The following CGNL1 variants were observed in gnomAD, a reference collection of about 807,000 sequenced individuals.
CGNL1 encodes cingulin-like protein 1.
In CGNL1, 132 loss-of-function variants were observed where a neutral mutation model predicts 141.2. The ratio of observed to expected loss-of-function variants is 0.93; its 90% CI spans 0.81 to 1.08. CGNL1 has a LOEUF of 1.08. Ranked by LOEUF, CGNL1 falls within the 50% of genes least tolerant of loss-of-function variation. CGNL1 has a pLI of 0.00. For synonymous variants in CGNL1, 690 were observed against 622.1 expected, an observed-to-expected ratio of 1.11 and a Z score of -1.63; for missense variants, 1,870 against 1,588.6, an observed-to-expected ratio of 1.18 and a Z score of -3.01.
At chr15:57,459,509 G>C (rs1022595397) in intron 7 of CGNL1, among the ~76,000 whole-genome samples, 1 of 152,180 alleles carries the variant, frequency 6.6e-6, no homozygotes, top group African/African-American at 2.4e-5. Flanking sequence ...GGTCTTCAAA[G>C]ATTTTCTGAA....
chr15:57,406,245 G>C (rs1706384), intron 1 of CGNL1, among the ~76,000 whole-genome samples: 162 of 152,326 alleles, frequency 1.1e-3, no homozygotes, highest in African/African-American at 3.8e-3. Context: ...GATCAGGGCT[G>C]CCTGGGGGAA....
In CGNL1 at chr15:57,528,682, A is replaced by C. The variant is rs1402901595; in HGVS notation, c.3068A>C (p.Asp1023Ala). Reference protein sequence around the residue: ...EMRLMEEELRDYQRAQDEALT... With the variant: ...EMRLMEEELRAYQRAQDEALT... Reference sequence around the variant, plus strand: ...CGTCTGATGGAGGAAGAGTTACGGGACTACCAGAGAGCTCAGGATGAAGCA... The same window carrying C: ...CGTCTGATGGAGGAAGAGTTACGGGCCTACCAGAGAGCTCAGGATGAAGCA... The change falls in exon 13 of 19, where the codon GAC becomes GCC. Residue 1023 changes from aspartate to alanine, a missense_variant. Asp to Ala is a moderately radical substitution (Grantham distance 126). Coordinates refer to ENST00000281282, the MANE Select transcript of CGNL1 (RefSeq NM_032866.5). The C allele has an allele frequency of 6.2e-7, 1 of 1,614,006 alleles. No homozygotes were observed. The highest frequency in any genetic ancestry group is 1.3e-5 in the African/African-American group (1 of 74,904).
At chr15:57,376,678 G>C (rs1247487600) in intron 1 of CGNL1, 111 bp downstream of exon 1, 1 of 151,968 alleles carries the variant, frequency 6.6e-6, no homozygotes, top group Non-Finnish European at 1.5e-5. Flanking sequence ...GCTCAGCCAG[G>C]TGCACTGTGC....
At chr15:57,476,235 G>C (rs1305722995) in intron 8 of CGNL1, among the ~76,000 whole-genome samples, 1 of 152,074 alleles carries the variant, frequency 6.6e-6, no homozygotes, top group African/African-American at 2.4e-5. Flanking sequence ...TTCCTAAGAG[G>C]GAGTGAGGCT....
intron 1 of CGNL1, among the ~76,000 whole-genome samples, chr15:57,420,453 C>G (rs1273843918): frequency 6.6e-6 from 1 of 152,178 alleles, no homozygotes; most frequent in African/African-American, 2.4e-5. Flanking sequence ...GTCATTCTAA[C>G]CTCCTCCCCT....
chr15:57,407,502 G>A (rs115467171), intron 1 of CGNL1, among the ~76,000 whole-genome samples: 208 of 152,134 alleles, frequency 1.4e-3, no homozygotes, highest in African/African-American at 4.8e-3. Flanking sequence ...GTGACAACCT[G>A]TCTCAACAAA....
chr15:57,441,876 A>T (rs942333065), intron 3 of CGNL1, among the ~76,000 whole-genome samples: 3 of 152,124 alleles, frequency 2.0e-5, no homozygotes, highest in African/African-American at 7.2e-5. Context: ...CCATGCTGAT[A>T]ATCTTGGCTT....
chr15:57,467,273 T>C (rs1379065974), intron 8 of CGNL1, among the ~76,000 whole-genome samples: 1 of 152,166 alleles, frequency 6.6e-6, no homozygotes, highest in African/African-American at 2.4e-5. Context: ...GGAATCCCTA[T>C]AGGAGACCCC....
At chr15:57,466,063 G>A (rs971218914) in intron 8 of CGNL1, among the ~76,000 whole-genome samples, 3 of 152,216 alleles carry the variant, frequency 2.0e-5, no homozygotes, top group African/African-American at 7.2e-5. Flanking sequence ...CACTGGCAGA[G>A]CGGTGGAGGT....
intron 12 of CGNL1, among the ~76,000 whole-genome samples, chr15:57,525,135 A>G (rs2031533131): frequency 6.6e-6 from 1 of 152,188 alleles, no homozygotes. Flanking sequence ...TTTTTTGGCC[A>G]TTGATTTTTG....
intron 14 of CGNL1, among the ~76,000 whole-genome samples, chr15:57,533,761 C>G (rs543113641): frequency 1.3e-5 from 2 of 152,330 alleles, no homozygotes; most frequent in Admixed American, 6.5e-5. Flanking sequence ...CAACTGAGCA[C>G]TTGGATCATG....
chr15:57,501,162 C>T (rs879649986), intron 8 of CGNL1, among the ~76,000 whole-genome samples: 2 of 152,116 alleles, frequency 1.3e-5, no homozygotes, highest in Admixed American at 1.3e-4. Context: ...GGATGGAGGC[C>T]CTGCCCAGAA....
intron 9 of CGNL1, 136 bp downstream of exon 9, chr15:57,517,122 C>A (rs2030877296): frequency 1.7e-5 from 14 of 813,056 alleles, no homozygotes; most frequent in Non-Finnish European, 2.5e-5. Context: ...AATACATCCT[C>A]TCTGCAAGCC....
At chr15:57,540,657 T>A (rs2032515172) in intron 14 of CGNL1, among the ~76,000 whole-genome samples, 1 of 152,224 alleles carries the variant, frequency 6.6e-6, no homozygotes, top group Non-Finnish European at 1.5e-5. Context: ...GCCCTCTGAA[T>A]CTGGGCAGTC....
In CGNL1 at chr15:57,461,863, C is replaced by G; in HGVS notation, c.2374C>G (p.Leu792Val). The change falls in exon 8 of 19, where the codon CTG (leucine) becomes GTG (valine). Residue 792 changes from leucine to valine, a missense_variant. Transcript: ENST00000281282. The stretch of plus-strand genomic sequence containing the variant: ...GCAATATGATGCTGAGTTGCAGGCC[C>G]TGAGGGAGAGTGTGGAAGAAGCAAC... ...KEQYDAELQA[L>V]RESVEEATKN... is the part of the protein sequence containing the mutation. 6.2e-7 allele frequency: 1 copy of G among 1,613,864 alleles called. No individual in the cohort carries two copies. The highest frequency in any genetic ancestry group is 8.5e-7 in the Non-Finnish European group (1 of 1,179,960).
In CGNL1 at chr15:57,438,109, C is replaced by T. The variant is rs762262580; in HGVS notation, c.110C>T (p.Ala37Val). Residue 37 changes from alanine (A) to valine (V), a missense_variant, in exon 2 of 19, where the codon GCA (alanine) becomes GTA (valine). Transcript: ENST00000281282. ...QKSRSSQNSK[A>V]GSYGVSIRVQ... ...TCAAGGAGTTCCCAGAACTCCAAGGCAGGCTCCTACGGTGTCAGTATTCGG... is the reference window on the plus strand; with the variant it reads ...TCAAGGAGTTCCCAGAACTCCAAGGTAGGCTCCTACGGTGTCAGTATTCGG... The T allele has an allele frequency of 5.5e-5, 89 of 1,614,050 alleles. No individual in the cohort carries two copies. Among genetic ancestry groups the T allele is most frequent in the Non-Finnish European group, 7.5e-5 (88 of 1,180,034 alleles).
chr15:57,453,648 G>A (rs761085472), intron 6 of CGNL1, 35 bp from the exon 7 acceptor site: 2 of 1,611,432 alleles, frequency 1.2e-6, no homozygotes, highest in Non-Finnish European at 8.5e-7. Context: ...GCAGAGCCCA[G>A]AAGAGCCTGT....
chr15:57,493,684 A>G (rs1252339392), intron 8 of CGNL1, among the ~76,000 whole-genome samples: 2 of 150,600 alleles, frequency 1.3e-5, no homozygotes, highest in Non-Finnish European at 3.0e-5. Flanking sequence ...AGCAGCACAG[A>G]TACACTCATG....
chr15:57,496,595 C>T (rs771562902), intron 8 of CGNL1, among the ~76,000 whole-genome samples: 1 of 152,152 alleles, frequency 6.6e-6, no homozygotes, highest in African/African-American at 2.4e-5. Context: ...TGCTGCTTTA[C>T]TCCATTCCAA....
Sources: allele counts gnomAD v4.1 joint callset (sites outside exome capture counted in the v4.1 genomes callset), GRCh38; gene constraint gnomAD v4.1.1; transcripts MANE v1.5; gene names NCBI Gene and HGNC (gene_info 2026-07-23, HGNC 2026-07-21).